The following CSMD3 variants were observed in gnomAD, a reference collection of about 807,000 sequenced individuals.
CSMD3 encodes the protein CUB and sushi domain-containing protein 3.
In CSMD3, 177 loss-of-function variants were observed where a neutral mutation model predicts 435.2. The observed-to-expected ratio is 0.41, with a 90% confidence interval of 0.36 to 0.46. CSMD3 has a LOEUF of 0.46. Among genes scored for constraint, CSMD3 ranks in the 20% least tolerant of loss-of-function variants. The pLI, the probability that CSMD3 is intolerant of heterozygous loss-of-function variation, is 0.34. For synonymous variants in CSMD3, 1,656 were observed against 1,520.5 expected (o/e 1.09, Z -2.07); for missense variants, 4,265 against 4,504.6 (o/e 0.95, Z 1.52).
chr8:112,306,123 G>A lies in CSMD3; in HGVS notation c.7955C>T (p.Thr2652Met), dbSNP rs757060591. 28 of 1,612,358 alleles carry A rather than the reference G, an allele frequency of 1.7e-5. No homozygotes were observed. The highest frequency in any genetic ancestry group is 4.5e-5 in the East Asian group (2 of 44,824). ...ATCATTACAAAAATAGGTAACTCGC[G>A]TTCCTACCAAATAGTCTGTTGTTAG... is the stretch of plus-strand genomic sequence containing the variant. Reference protein sequence around the residue: ...GILTTDYLVGTRVTYFCNDGY... With the variant: ...GILTTDYLVGMRVTYFCNDGY... The change falls in exon 51 of 71, where the codon ACG becomes ATG. Residue 2652 changes from threonine (T) to methionine (M), a missense_variant. Transcript: ENST00000297405.
intron 38 of CSMD3, among the ~76,000 whole-genome samples, chr8:112,362,390 T>C (rs1293271481): frequency 6.6e-6 from 1 of 152,052 alleles, no homozygotes; most frequent in Non-Finnish European, 1.5e-5. Flanking sequence ...TTACTTTATC[T>C]GTGCTTACTG....
intron 47 of CSMD3, among the ~76,000 whole-genome samples, chr8:112,315,217 T>C (rs1184332696): frequency 6.6e-6 from 1 of 151,936 alleles, no homozygotes; most frequent in East Asian, 1.9e-4. Flanking sequence ...ACTCTTTTTA[T>C]TTAATAATAT....
intron 26 of CSMD3, among the ~76,000 whole-genome samples, 191 bp downstream of exon 26, chr8:112,552,403 T>C (rs1400218279): frequency 1.3e-5 from 2 of 151,972 alleles, no homozygotes; most frequent in South Asian, 2.1e-4. Flanking sequence ...GGAAGATCAT[T>C]TGAGCCTATG....
At chr8:112,290,448 A>G (rs1819653794) in intron 56 of CSMD3, among the ~76,000 whole-genome samples, 1 of 152,044 alleles carries the variant, frequency 6.6e-6, no homozygotes. Context: ...CTACATAAGA[A>G]TAAGTAAGTA....
At position 112,794,285 on chromosome 8, in the gene CSMD3, C is replaced by CTTTTTTTTTTTTTTT. The variant is rs1203991072; in HGVS notation, c.1972+5862_1972+5876dup. 5.2e-5 allele frequency among the ~76,000 whole-genome samples: 5 copies of CTTTTTTTTTTTTTTT among 96,302 alleles called. 1 individual carries two copies. The highest frequency in any genetic ancestry group is 1.2e-4 in the African/African-American group (3 of 25,776). 63.2% of individuals were successfully genotyped at this position (96,302 alleles called of 152,430 possible). A position where few individuals can be genotyped will look rare whatever the true frequency, so the allele number is the denominator to read the frequency against. ...TTGCCCCAGATGCTGGACTGATAAA[C>CTTTTTTTTTTTTTTT]TTTTTTTTTTTTTTTTTTTTTTTTT... On this transcript the variant is annotated intron_variant, in intron 13 of 70. Transcript: ENST00000297405.
chr8:113,193,880 T>A (rs965004273), intron 3 of CSMD3, among the ~76,000 whole-genome samples: 1 of 151,402 alleles, frequency 6.6e-6, no homozygotes, highest in Non-Finnish European at 1.5e-5. Context: ...ATAGACAATA[T>A]TTTAGAAGAT....
intron 2 of CSMD3, among the ~76,000 whole-genome samples, chr8:113,291,136 A>G (rs2093683606): frequency 6.6e-6 from 1 of 151,636 alleles, no homozygotes; most frequent in South Asian, 2.1e-4. Flanking sequence ...ATTTAATTAT[A>G]TTTTAGTAAA....
At chr8:112,779,199 A>G (rs189077079) in intron 13 of CSMD3, among the ~76,000 whole-genome samples, 407 of 142,192 alleles carry the variant, frequency 2.9e-3, no homozygotes, top group Non-Finnish European at 3.6e-3. Flanking sequence ...GTGTGTGTGT[A>G]TATGTATTTA....
At chr8:112,933,596 T>C (rs187475936) in intron 9 of CSMD3, among the ~76,000 whole-genome samples, 10 of 152,288 alleles carry the variant, frequency 6.6e-5, no homozygotes, top group Non-Finnish European at 1.5e-4. Context: ...AGAGAAGGGT[T>C]CTATATAACG....
At chr8:113,133,284 A>G (rs1263720117) in intron 4 of CSMD3, among the ~76,000 whole-genome samples, 1 of 152,172 alleles carries the variant, frequency 6.6e-6, no homozygotes, top group Non-Finnish European at 1.5e-5. Flanking sequence ...AAGGTTATAT[A>G]CAAATAGCCA....
intron 13 of CSMD3, among the ~76,000 whole-genome samples, chr8:112,704,335 A>G (rs1193457503): frequency 1.3e-5 from 2 of 152,132 alleles, no homozygotes; most frequent in African/African-American, 4.8e-5. Flanking sequence ...ATAAAAAACT[A>G]TGCTTTTCTT....
At chr8:113,299,471 A>G (rs960476848) in intron 2 of CSMD3, among the ~76,000 whole-genome samples, 1 of 152,184 alleles carries the variant, frequency 6.6e-6, no homozygotes, top group Non-Finnish European at 1.5e-5. Flanking sequence ...TAGTAACACA[A>G]TATATTTTTT....
At chr8:112,542,019 T>G (rs1586642553) in intron 27 of CSMD3, among the ~76,000 whole-genome samples, 1 of 151,830 alleles carries the variant, frequency 6.6e-6, no homozygotes, top group East Asian at 1.9e-4. Flanking sequence ...TACACCACAT[T>G]AACAGAATAA....
chr8:113,183,555 C>G (rs190226123), intron 3 of CSMD3, among the ~76,000 whole-genome samples: 8 of 152,082 alleles, frequency 5.3e-5, no homozygotes, highest in Admixed American at 5.2e-4. Flanking sequence ...CATCCTTAGA[C>G]TAAGAAACTT....
chr8:113,254,520 T>C (rs916347769), intron 3 of CSMD3, among the ~76,000 whole-genome samples: 3 of 152,218 alleles, frequency 2.0e-5, no homozygotes, highest in Non-Finnish European at 4.4e-5. Context: ...TTGCCCATTA[T>C]GTAAGGCACA....
intron 10 of CSMD3, among the ~76,000 whole-genome samples, chr8:112,873,717 T>A (rs534781814): frequency 6.6e-6 from 1 of 152,266 alleles, no homozygotes. Flanking sequence ...TTTATAGTAT[T>A]CTCTGATGGT....
chr8:112,880,922 T>G (rs1191316615), intron 10 of CSMD3, among the ~76,000 whole-genome samples: 5 of 152,052 alleles, frequency 3.3e-5, no homozygotes, highest in Non-Finnish European at 7.4e-5. Flanking sequence ...TCCTTAAAAA[T>G]GTAGCTGTTT....
chr8:112,753,423 C>T (rs2077620130), intron 13 of CSMD3, among the ~76,000 whole-genome samples: 1 of 151,910 alleles, frequency 6.6e-6, no homozygotes, highest in African/African-American at 2.4e-5. Flanking sequence ...AATATATTTC[C>T]CTTCCTATTT....
chr8:112,287,319 C>T (rs2130639105), intron 57 of CSMD3, 73 bp from the exon 58 acceptor site: 1 of 1,457,348 alleles, frequency 6.9e-7, no homozygotes, highest in Non-Finnish European at 9.6e-7. Flanking sequence ...GTCCAAGGGC[C>T]TGGTAGGCAT....
Sources: gnomAD v4.1 joint callset for allele counts (sites outside exome capture counted in the v4.1 genomes callset) on GRCh38, gnomAD v4.1.1 for gene constraint, MANE v1.5 for transcripts, NCBI Gene and HGNC (gene_info 2026-07-23, HGNC 2026-07-21) for gene names.